ASCC3: variants seen among roughly 807,000 people sequenced by gnomAD.
ASCC3 encodes the protein ASC-1 complex subunit P200.
ASCC3 carries 158 observed loss-of-function variants against 256.3 expected under a neutral mutation model. The ratio of observed to expected loss-of-function variants is 0.62; its 90% CI spans 0.54 to 0.70. The LOEUF (loss-of-function observed/expected upper bound fraction) is 0.70, where lower values mean the gene tolerates loss of function less well. Among genes scored for constraint, ASCC3 ranks in the 30% least tolerant of loss-of-function variants. ASCC3 has a pLI of 0.00. For missense variants in ASCC3, 2,259 were observed against 2,626.0 expected (o/e 0.86, Z 3.05); for synonymous variants, 948 against 883.4 (o/e 1.07, Z -1.30).
chr6:100,692,320 T>C (rs572532305), intron 13 of ASCC3, among the ~76,000 whole-genome samples: 1 of 152,228 alleles, frequency 6.6e-6, no homozygotes, highest in African/African-American at 2.4e-5. Flanking sequence ...ACTTCTTCAA[T>C]ACTAAAAAGT....
chr6:100,542,184 C>A (rs536843175), intron 36 of ASCC3, among the ~76,000 whole-genome samples: 1 of 152,224 alleles, frequency 6.6e-6, no homozygotes, highest in South Asian at 2.1e-4. Flanking sequence ...CAACAAACCT[C>A]AACCAAAGAA....
chr6:100,537,196 C>T (rs1235123482), intron 37 of ASCC3, among the ~76,000 whole-genome samples: 1 of 152,140 alleles, frequency 6.6e-6, no homozygotes, highest in Non-Finnish European at 1.5e-5. Context: ...AAGTCAATAT[C>T]ATTGCCATAC....
intron 8 of ASCC3, among the ~76,000 whole-genome samples, chr6:100,773,871 A>C (rs2115150133): frequency 6.6e-6 from 1 of 152,312 alleles, no homozygotes; most frequent in South Asian, 2.1e-4. Context: ...GAAATACTAA[A>C]TTGAATCTAG....
At chr6:100,609,008 C>A (rs762541767) in intron 30 of ASCC3, among the ~76,000 whole-genome samples, 1 of 150,310 alleles carries the variant, frequency 6.7e-6, no homozygotes, top group Non-Finnish European at 1.5e-5. Context: ...GTGATCCGCC[C>A]GTCTCGGCCT....
At chr6:100,877,299 A>C (rs1774048280) in intron 1 of ASCC3, among the ~76,000 whole-genome samples, 1 of 152,178 alleles carries the variant, frequency 6.6e-6, no homozygotes, top group African/African-American at 2.4e-5. Context: ...CACTGACATG[A>C]AGGAGTAGGT....
intron 4 of ASCC3, 119 bp from the exon 5 acceptor site, chr6:100,805,999 A>G (rs373118338): frequency 1.0e-6 from 1 of 960,542 alleles, no homozygotes. Flanking sequence ...TACTCAAAAA[A>G]TTTAATAAAA....
chr6:100,880,276 C>T, intron 1 of ASCC3, among the ~76,000 whole-genome samples: 1 of 151,848 alleles, frequency 6.6e-6, no homozygotes, highest in East Asian at 1.9e-4. Flanking sequence ...CATTTGAGAA[C>T]TTTGAGAATC....
intron 14 of ASCC3, among the ~76,000 whole-genome samples, chr6:100,673,164 T>A (rs188089345): frequency 6.6e-6 from 1 of 152,096 alleles, no homozygotes; most frequent in South Asian, 2.1e-4. Flanking sequence ...TAGAAATAAG[T>A]TGGCATTCCA....
At chr6:100,671,923 C>T (rs377267723) in intron 14 of ASCC3, among the ~76,000 whole-genome samples, 2 of 152,112 alleles carry the variant, frequency 1.3e-5, no homozygotes, top group South Asian at 2.1e-4. Context: ...AGACTCATGC[C>T]ACATAGTTGC....
chr6:100,786,991 G>A (rs993178386), intron 8 of ASCC3, among the ~76,000 whole-genome samples: 3 of 152,126 alleles, frequency 2.0e-5, no homozygotes, highest in African/African-American at 7.2e-5. Flanking sequence ...GTTTGGAAAT[G>A]TAAATGTGCA....
At chr6:100,607,180 T>C (rs1772939078) in intron 30 of ASCC3, 92 bp from the exon 31 acceptor site, 1 of 1,309,464 alleles carries the variant, frequency 7.6e-7, no homozygotes, top group African/African-American at 1.5e-5. Context: ...ATTTTGTCTT[T>C]ATGTTATTAT....
intron 39 of ASCC3, among the ~76,000 whole-genome samples, chr6:100,515,955 T>C (rs913457246): frequency 3.3e-5 from 5 of 152,220 alleles, no homozygotes; most frequent in East Asian, 1.9e-4. Context: ...TCTTACTCTA[T>C]GTCAAGAACT....
chr6:100,628,450 G>A (rs1250678060), intron 27 of ASCC3, among the ~76,000 whole-genome samples: 1 of 152,130 alleles, frequency 6.6e-6, no homozygotes, highest in Non-Finnish European at 1.5e-5. Flanking sequence ...GGTGGGGCCT[G>A]GTAGGAGGTG....
chr6:100,704,211 T>A (rs1481273894), intron 13 of ASCC3, among the ~76,000 whole-genome samples: 1 of 151,976 alleles, frequency 6.6e-6, no homozygotes, highest in East Asian at 1.9e-4. Context: ...AGTACTATCT[T>A]TAGTGGTAAA....
intron 30 of ASCC3, among the ~76,000 whole-genome samples, chr6:100,620,383 C>T (rs960579775): frequency 6.6e-6 from 1 of 152,132 alleles, no homozygotes; most frequent in East Asian, 1.9e-4. Context: ...TATAACTTTA[C>T]ATCAATGATA....
At chr6:100,734,344 C>T (rs1279713216) in intron 10 of ASCC3, among the ~76,000 whole-genome samples, 1 of 152,012 alleles carries the variant, frequency 6.6e-6, no homozygotes, top group Non-Finnish European at 1.5e-5. Context: ...ACATAAATAT[C>T]AGATATTTCA....
At chr6:100,575,377 T>C (rs1770804665) in intron 36 of ASCC3, among the ~76,000 whole-genome samples, 1 of 152,066 alleles carries the variant, frequency 6.6e-6, no homozygotes, top group Non-Finnish European at 1.5e-5. Context: ...ACAAAACAAT[T>C]TATAGTTGTG....
At chr6:100,623,836 G>A (rs1313278002) in intron 30 of ASCC3, among the ~76,000 whole-genome samples, 1 of 151,906 alleles carries the variant, frequency 6.6e-6, no homozygotes, top group Non-Finnish European at 1.5e-5. Context: ...CTAACAAACT[G>A]GATTACATAA....
At chr6:100,707,130 T>C (rs888377508) in intron 13 of ASCC3, among the ~76,000 whole-genome samples, 5 of 152,098 alleles carry the variant, frequency 3.3e-5, no homozygotes, top group African/African-American at 9.7e-5. Flanking sequence ...AGACTTCCCA[T>C]GCATATGATG....
Sources: allele counts gnomAD v4.1 joint callset (sites outside exome capture counted in the v4.1 genomes callset), GRCh38; gene constraint gnomAD v4.1.1; transcripts MANE v1.5; gene names NCBI Gene and HGNC (gene_info 2026-07-23, HGNC 2026-07-21).